Variants in CCDC7 observed in about 807,000 individuals in gnomAD.
The protein encoded by CCDC7 is coiled-coil domain containing 7.
Under a neutral mutation model 196.9 loss-of-function variants are expected in CCDC7, and 183 were observed. The observed-to-expected ratio is 0.93, with a 90% confidence interval of 0.82 to 1.05. CCDC7 has a LOEUF of 1.05. Among genes scored for constraint, CCDC7 ranks in the 50% least tolerant of loss-of-function variants. CCDC7 has a pLI of 0.00. For missense variants in CCDC7, 1,540 were observed against 1,482.2 expected (o/e 1.04, Z -0.64); for synonymous variants, 525 against 484.6 (o/e 1.08, Z -1.10).
intron 29 of CCDC7, among the ~76,000 whole-genome samples, chr10:32,789,743 G>A (rs948234088): frequency 9.9e-5 from 15 of 152,062 alleles, no homozygotes; most frequent in Admixed American, 7.2e-4. Context: ...AGAGGAGTAG[G>A]TTTGTTATCT....
chr10:32,688,709 T>G (rs2076739204), intron 22 of CCDC7, among the ~76,000 whole-genome samples: 1 of 152,216 alleles, frequency 6.6e-6, no homozygotes, highest in Non-Finnish European at 1.5e-5. Context: ...TTAGGTGGTT[T>G]TGAGTATTTG....
At chr10:32,643,243 T>G (rs2067160416) in intron 20 of CCDC7, among the ~76,000 whole-genome samples, 2 of 152,176 alleles carry the variant, frequency 1.3e-5, no homozygotes, top group African/African-American at 2.4e-5. Context: ...AACTTTTTCA[T>G]TTCATGAAAG....
intron 11 of CCDC7, among the ~76,000 whole-genome samples, chr10:32,520,588 G>T (rs929674076): frequency 6.6e-6 from 1 of 151,978 alleles, no homozygotes; most frequent in Admixed American, 6.6e-5. Context: ...TTCCTGTGGA[G>T]TTGTTTGAGC....
chr10:32,743,127 A>G (rs2086160151), intron 28 of CCDC7, among the ~76,000 whole-genome samples: 1 of 152,138 alleles, frequency 6.6e-6, no homozygotes, highest in Non-Finnish European at 1.5e-5. Flanking sequence ...GTAAACATCC[A>G]TGTGCAGGTT....
chr10:32,730,729 C>T (rs2083821699), intron 28 of CCDC7, among the ~76,000 whole-genome samples: 2 of 146,746 alleles, frequency 1.4e-5, no homozygotes, highest in Admixed American at 1.3e-4. Context: ...GAGGTTCCAC[C>T]ATAGATACAG....
chr10:32,653,567 AG>A (rs2069180893), intron 20 of CCDC7, among the ~76,000 whole-genome samples: 1 of 152,162 alleles, frequency 6.6e-6, no homozygotes, highest in African/African-American at 2.4e-5. Context: ...TTGCATGGAT[AG>A]TCATTCAATT....
chr10:32,535,928 A>G (rs1199106990), intron 11 of CCDC7, among the ~76,000 whole-genome samples: 3 of 152,176 alleles, frequency 2.0e-5, no homozygotes, highest in Non-Finnish European at 4.4e-5. Flanking sequence ...GTGATGCCAG[A>G]GTCAGGTTGG....
At chr10:32,861,608 G>C (rs900718561) in intron 41 of CCDC7, among the ~76,000 whole-genome samples, 14 of 152,122 alleles carry the variant, frequency 9.2e-5, no homozygotes, top group Non-Finnish European at 1.9e-4. Context: ...CACAGCAAAA[G>C]AAACTATCAT....
At chr10:32,821,480 A>T (rs2090180145) in intron 31 of CCDC7, among the ~76,000 whole-genome samples, 1 of 152,342 alleles carries the variant, frequency 6.6e-6, no homozygotes, top group Middle Eastern at 3.4e-3. Context: ...CCAAAGGATT[A>T]TAAAACATGC....
At chr10:32,470,992 TAATG>T (rs2037828924) in intron 5 of CCDC7, 68 bp from the exon 7 acceptor site, 3 of 1,352,172 alleles carry the variant, frequency 2.2e-6, no homozygotes, top group Non-Finnish European at 3.0e-6. Flanking sequence ...ATAAAGGAGA[TAATG>T]AAATTTATTT....
chr10:32,516,764 A>G (rs1006336017), intron 9 of CCDC7, among the ~76,000 whole-genome samples: 15 of 152,226 alleles, frequency 9.9e-5, no homozygotes, highest in African/African-American at 3.6e-4. Context: ...CCGGTTCCTC[A>G]AAATGTTAAA....
intron 18 of CCDC7, among the ~76,000 whole-genome samples, chr10:32,614,257 T>C (rs541715445): frequency 2.2e-4 from 34 of 152,126 alleles, no homozygotes; most frequent in Non-Finnish European, 4.4e-4. Flanking sequence ...TTTCTTTTTT[T>C]TTTTGCTTTG....
intron 24 of CCDC7, among the ~76,000 whole-genome samples, chr10:32,705,481 A>T (rs2079559282): frequency 6.6e-6 from 1 of 152,148 alleles, no homozygotes; most frequent in Non-Finnish European, 1.5e-5. Flanking sequence ...TTAAACTTAA[A>T]TGTAAATGGG....
chr10:32,659,497 A>G (rs930857174), intron 20 of CCDC7, among the ~76,000 whole-genome samples: 3 of 152,338 alleles, frequency 2.0e-5, no homozygotes, highest in African/African-American at 7.2e-5. Context: ...CAGTTCTAGA[A>G]CACCACAATA....
chr10:32,631,702 G>C (rs756349646), intron 18 of CCDC7, among the ~76,000 whole-genome samples: 11 of 150,100 alleles, frequency 7.3e-5, no homozygotes, highest in Non-Finnish European at 1.5e-4. Context: ...TTGGTATTTC[G>C]ATAGGGATTA....
chr10:32,491,268 A>G (rs1175687648), intron 8 of CCDC7, among the ~76,000 whole-genome samples: 1 of 152,080 alleles, frequency 6.6e-6, no homozygotes, highest in African/African-American at 2.4e-5. Context: ...TCTTTGTGTC[A>G]TGTCTTGTTT....
intron 18 of CCDC7, among the ~76,000 whole-genome samples, chr10:32,614,250 CTT>C (rs142984342): frequency 2.2e-5 from 3 of 138,576 alleles, no homozygotes; most frequent in African/African-American, 5.3e-5. Flanking sequence ...TTTTTCTTTT[CTT>C]TTTTTTTTTG....
At position 32,847,931 on chromosome 10, in the gene CCDC7, TTTAAGTC is replaced by T. The variant is rs528651019; in HGVS notation, c.3772+17_3772+23del. ...GACTCACTATGGTAAGAATAATAAT[TTTAAGTC>T]TAATATTTACAGTTTATCTTCTCTG... On this transcript the variant is annotated intron_variant, in intron 38 of 41. Transcript: ENST00000639629. 1.3e-4 allele frequency: 192 copies of T among 1,498,216 alleles called. 2 individuals carry two copies. In the South Asian group the frequency reaches 2.1e-3, roughly 17 times the overall value. The allele number at this position is 1,498,216 out of a possible 1,614,324, so 92.8% of individuals were successfully genotyped here. A position where few individuals can be genotyped will look rare whatever the true frequency, so the allele number is the denominator to read the frequency against.
At chr10:32,636,770 T>C (rs2065731542) in intron 20 of CCDC7, among the ~76,000 whole-genome samples, 1 of 152,208 alleles carries the variant, frequency 6.6e-6, no homozygotes, top group Non-Finnish European at 1.5e-5. Flanking sequence ...GGTCAAATGG[T>C]ATTTCTAGTT....
Sources: gnomAD v4.1 joint callset for allele counts (sites outside exome capture counted in the v4.1 genomes callset) on GRCh38, gnomAD v4.1.1 for gene constraint, MANE v1.5 for transcripts, NCBI Gene and HGNC (gene_info 2026-07-23, HGNC 2026-07-21) for gene names.